The following TRAF5 variants were observed in gnomAD, a reference collection of about 807,000 sequenced individuals.
The protein encoded by TRAF5 is TNF receptor associated factor 5.
TRAF5 carries 48 observed loss-of-function variants against 64.5 expected under a neutral mutation model. That is an observed-to-expected ratio of 0.74 (90% confidence interval 0.59 to 0.95). TRAF5 has a LOEUF of 0.95. TRAF5 is among the 40% of genes least tolerant of loss of function. TRAF5 has a pLI of 0.00. For synonymous variants in TRAF5, 206 were observed against 240.5 expected (o/e 0.86, Z 1.33); for missense variants, 545 against 662.8 (o/e 0.82, Z 1.95).
rs963995627 is a variant in TRAF5, at chr1:211,363,935, A to G, written c.697-1441A>G. Among the ~76,000 whole-genome samples, 3 of 146,288 alleles carry G rather than the reference A, an allele frequency of 2.1e-5. No homozygotes were observed. In the East Asian group the frequency reaches 5.9e-4, roughly 29 times the overall value. On this transcript the variant is annotated intron_variant, in intron 7 of 10. Transcript: ENST00000261464. ...CAAAAAAAAAAAAAAAAAAAAAAGC[A>G]GAATTGCTTTCTAGCTCTAAAAATG...
At chr1:211,364,860 T>C (rs186796936) in intron 7 of TRAF5, among the ~76,000 whole-genome samples, 1 of 152,068 alleles carries the variant, frequency 6.6e-6, no homozygotes, top group Admixed American at 6.6e-5. Context: ...TGATTCTCTG[T>C]CTCATGGATA....
intron 3 of TRAF5, among the ~76,000 whole-genome samples, chr1:211,355,397 G>A (rs756285379): frequency 6.6e-6 from 1 of 151,782 alleles, no homozygotes; most frequent in Non-Finnish European, 1.5e-5. Context: ...TCTAAGAAAC[G>A]ATTGTCTGTT....
At chr1:211,367,232 C>T (rs749670693) in intron 8 of TRAF5, among the ~76,000 whole-genome samples, 5 of 152,184 alleles carry the variant, frequency 3.3e-5, no homozygotes, top group Non-Finnish European at 7.3e-5. Context: ...CCTGCCTCAG[C>T]CGCCCAAAGC....
At chr1:211,349,068 C>T (rs1320923611) in intron 1 of TRAF5, among the ~76,000 whole-genome samples, 2 of 142,440 alleles carry the variant, frequency 1.4e-5, no homozygotes, top group Admixed American at 7.1e-5. Context: ...ATTAGCCAGG[C>T]GTGGTGGCAC....
chr1:211,328,552 G>A (rs937391290), intron 1 of TRAF5, among the ~76,000 whole-genome samples: 1 of 152,168 alleles, frequency 6.6e-6, no homozygotes, highest in Non-Finnish European at 1.5e-5. Flanking sequence ...GTAGGGCGAT[G>A]GAAAGAGTGT....
chr1:211,372,546 C>T lies in TRAF5; in HGVS notation c.1518C>T (p.Ser506=), dbSNP rs1349106080. ...METFKPDPNS[S]SFKRPDGEMN... ...CCTTCAAACCTGACCCCAATAGCAG[C>T]AGCTTTAAAAGACCTGATGGGGAGA... The change falls in exon 11 of 11, where the codon AGC becomes AGT. Residue 506 remains serine, a synonymous_variant. Transcript: ENST00000261464. 6.2e-7 allele frequency: 1 copy of T among 1,614,106 alleles called. No individual in the cohort carries two copies. Among genetic ancestry groups the T allele is most frequent in the Non-Finnish European group, 8.5e-7 (1 of 1,180,046 alleles).
In TRAF5 at chr1:211,371,995, T is replaced by G. The variant is rs575422688; in HGVS notation, c.1100-133T>G. 7.3e-5 allele frequency: 56 copies of G among 768,800 alleles called. No individual in the cohort carries two copies. The South Asian group carries it at 9.3e-4, about 13-fold the overall frequency. The allele number at this position is 768,800 out of a possible 1,614,324, so 47.6% of individuals were successfully genotyped here. A position where few individuals can be genotyped will look rare whatever the true frequency, so the allele number is the denominator to read the frequency against. On this transcript the variant is annotated intron_variant, in intron 10 of 10. Coordinates refer to ENST00000261464, the MANE Select transcript of TRAF5 (RefSeq NM_001033910.3). ...CCTGAGTTAATATTACTACAACAAA[T>G]GAATTCAGCTCATCTTTAGGATGGC...
Position 211,359,945 on chromosome 1 carries a change from CAGTGTTCTAATGAGA to C in TRAF5, c.417_431del (p.Ser140_Cys144del). 1 of 1,613,990 alleles carries C rather than the reference CAGTGTTCTAATGAGA, an allele frequency of 6.2e-7. No homozygotes were observed. Among genetic ancestry groups the C allele is most frequent in the Non-Finnish European group, 8.5e-7 (1 of 1,179,900 alleles). On this transcript the variant is annotated inframe_deletion, in exon 5 of 11. Transcript: ENST00000261464. The stretch of plus-strand genomic sequence containing the variant: ...TCAGCAGTGCTTATTTCAACCTGTG[CAGTGTTCTAATGAGA>C]AGTGCCGGGAGCCAGTCCTACGGAA...
intron 1 of TRAF5, among the ~76,000 whole-genome samples, chr1:211,331,997 C>T (rs547792831): frequency 3.9e-4 from 59 of 152,292 alleles, no homozygotes; most frequent in Middle Eastern, 3.4e-3. Context: ...TAGCCTATTG[C>T]TGCCACTTTG....
chr1:211,338,074 A>G (rs905561205), intron 1 of TRAF5, among the ~76,000 whole-genome samples: 19 of 152,172 alleles, frequency 1.2e-4, no homozygotes, highest in African/African-American at 3.9e-4. Flanking sequence ...GCTCCAAGAG[A>G]TAAGAGAAGG....
At chr1:211,366,682 G>C (rs545659827) in intron 8 of TRAF5, among the ~76,000 whole-genome samples, 3 of 152,180 alleles carry the variant, frequency 2.0e-5, no homozygotes, top group Non-Finnish European at 2.9e-5. Context: ...CACTGAAGCA[G>C]GGAGGCATAA....
chr1:211,346,548 C>A, intron 1 of TRAF5: 1 of 463,518 alleles, frequency 2.2e-6, no homozygotes, highest in Non-Finnish European at 2.8e-6. Context: ...ATTTTGTGGA[C>A]TTATGTCTTA....
intron 1 of TRAF5, 114 bp from the exon 2 acceptor site, chr1:211,353,125 G>T (rs1425319026): frequency 3.8e-6 from 4 of 1,047,576 alleles, no homozygotes; most frequent in Non-Finnish European, 5.7e-6. Context: ...ACAACAGAAT[G>T]ACCATGTGAA....
intron 1 of TRAF5, among the ~76,000 whole-genome samples, chr1:211,343,259 G>A (rs959970900): frequency 2.0e-5 from 3 of 152,112 alleles, no homozygotes; most frequent in Non-Finnish European, 4.4e-5. Flanking sequence ...ATCCAGGCAA[G>A]TCTACTCCAG....
intron 3 of TRAF5, 61 bp from the exon 4 acceptor site, chr1:211,356,306 G>A: frequency 7.0e-7 from 1 of 1,433,890 alleles, no homozygotes; most frequent in Admixed American, 1.7e-5. Context: ...ATTAGTAATA[G>A]CTTAATTCAC....
rs116402655 is a variant in TRAF5, at chr1:211,335,584, A to C, written c.-2+8695A>C. Among the ~76,000 whole-genome samples the C allele has an allele frequency of 7.8e-3, 1,193 of 152,340 alleles. 7 individuals carry two copies. Among genetic ancestry groups the C allele is most frequent in the Non-Finnish European group, 0.013 (872 of 68,014 alleles). ...GTTAAGGAGAAGTACAGGTGGTTAA[A>C]GGGCATGTCATAAGTGGGGGGGACC... is the stretch of plus-strand genomic sequence containing the variant. On this transcript the variant is annotated intron_variant, in intron 1 of 10. Coordinates refer to ENST00000261464, the MANE Select transcript of TRAF5 (RefSeq NM_001033910.3).
intron 1 of TRAF5, among the ~76,000 whole-genome samples, chr1:211,350,236 A>G (rs1194956669): frequency 1.4e-5 from 2 of 146,452 alleles, no homozygotes; most frequent in African/African-American, 5.1e-5. Context: ...TTTTTGAGAC[A>G]GGGTCTCTCG....
At chr1:211,350,950 A>G (rs1215848103) in intron 1 of TRAF5, among the ~76,000 whole-genome samples, 1 of 151,500 alleles carries the variant, frequency 6.6e-6, no homozygotes, top group African/African-American at 2.4e-5. Flanking sequence ...GGTTCAAGCC[A>G]TCTTCCCACC....
intron 9 of TRAF5, 59 bp from the exon 10 acceptor site, chr1:211,371,243 A>G: frequency 6.8e-7 from 1 of 1,475,334 alleles, no homozygotes; most frequent in Non-Finnish European, 9.0e-7. Flanking sequence ...TTTAATCTCA[A>G]TGAATTGCTA....
Sources: allele counts gnomAD v4.1 joint callset (sites outside exome capture counted in the v4.1 genomes callset), GRCh38; gene constraint gnomAD v4.1.1; transcripts MANE v1.5; gene names NCBI Gene and HGNC (gene_info 2026-07-23, HGNC 2026-07-21).